Variants in CYTH3 observed in about 807,000 individuals in gnomAD.
The protein encoded by CYTH3 is cytohesin-3.
Under a neutral mutation model 55.1 loss-of-function variants are expected in CYTH3, and 23 were observed. The observed-to-expected ratio is 0.42, with a 90% CI of 0.30 to 0.59. The LOEUF (loss-of-function observed/expected upper bound fraction) is 0.59, where lower values mean the gene tolerates loss of function less well. CYTH3 is among the 20% of genes least tolerant of loss of function. The pLI, the probability that CYTH3 is intolerant of heterozygous loss-of-function variation, is 0.20. For synonymous variants in CYTH3, 249 were observed against 194.9 expected (o/e 1.28, Z -2.31); for missense variants, 413 against 524.8 (o/e 0.79, Z 2.08).
At chr7:6,271,908 T>C (rs1780669840) in intron 1 of CYTH3, among the ~76,000 whole-genome samples, 1 of 152,044 alleles carries the variant, frequency 6.6e-6, no homozygotes, top group Admixed American at 6.5e-5. Flanking sequence ...GCTGGCCCCC[T>C]CCCCGTTCGA....
chr7:6,268,358 C>T (rs1372899175), intron 1 of CYTH3, among the ~76,000 whole-genome samples: 6 of 152,094 alleles, frequency 3.9e-5, no homozygotes, highest in East Asian at 1.9e-4. Context: ...TTAGTAGAAA[C>T]GGAGTTTCAC....
rs1023504878 is a variant in CYTH3, at chr7:6,172,991, G to A, written c.449+662C>T. On this transcript the variant is annotated intron_variant, in intron 6 of 12. Coordinates refer to ENST00000350796, the MANE Select transcript of CYTH3 (RefSeq NM_004227.4). ...AAGATTTGAGAAGATGACGAGGTGC[G>A]GCCTGATTTTCTTAGTCCAAGGGCC... 17 of 1,093,906 alleles carry A rather than the reference G, an allele frequency of 1.6e-5. No homozygotes were observed. The Admixed American group carries it at 2.2e-4, about 14-fold the overall frequency. 67.8% of individuals were successfully genotyped at this position (1,093,906 alleles called of 1,614,324 possible).
At chr7:6,255,058 C>T (rs1342140867) in intron 1 of CYTH3, among the ~76,000 whole-genome samples, 1 of 152,180 alleles carries the variant, frequency 6.6e-6, no homozygotes, top group Non-Finnish European at 1.5e-5. Flanking sequence ...ACACTGATGA[C>T]TAACAGTTTT....
intron 1 of CYTH3, among the ~76,000 whole-genome samples, chr7:6,215,114 G>C (rs1399312110): frequency 6.6e-6 from 1 of 152,168 alleles, no homozygotes; most frequent in Non-Finnish European, 1.5e-5. Flanking sequence ...AGTACTGGTT[G>C]GATTTTAAAA....
At chr7:6,262,318 T>A (rs1780373126) in intron 1 of CYTH3, among the ~76,000 whole-genome samples, 1 of 152,178 alleles carries the variant, frequency 6.6e-6, no homozygotes, top group Non-Finnish European at 1.5e-5. Context: ...GTAAATCTAA[T>A]TTAAGATCAA....
intron 5 of CYTH3, among the ~76,000 whole-genome samples, chr7:6,174,623 C>T (rs1783293625): frequency 6.7e-6 from 1 of 149,828 alleles, no homozygotes; most frequent in African/African-American, 2.5e-5. Context: ...TCTTGGCCCA[C>T]TGCAACCTCC....
intron 1 of CYTH3, among the ~76,000 whole-genome samples, chr7:6,240,279 G>A (rs1432629766): frequency 1.4e-5 from 2 of 142,544 alleles, no homozygotes; most frequent in South Asian, 2.2e-4. Context: ...CTCCAGCCTG[G>A]GAGACTCCAT....
intron 1 of CYTH3, among the ~76,000 whole-genome samples, chr7:6,268,654 T>C (rs949535680): frequency 1.3e-5 from 2 of 152,164 alleles, no homozygotes; most frequent in African/African-American, 4.8e-5. Flanking sequence ...ATCTCACACG[T>C]GTACAAATAT....
At chr7:6,245,398 T>G (rs1467191710) in intron 1 of CYTH3, among the ~76,000 whole-genome samples, 1 of 152,132 alleles carries the variant, frequency 6.6e-6, no homozygotes, top group Non-Finnish European at 1.5e-5. Context: ...TTCTGGCTCC[T>G]CCTCCACTGA....
chr7:6,190,455 G>A lies in CYTH3; in HGVS notation c.111C>T (p.Asp37=), dbSNP rs1335112339. The change falls in exon 2 of 13, where the codon GAC becomes GAT. Residue 37 remains aspartate, a synonymous_variant. Coordinates refer to ENST00000350796, the MANE Select transcript of CYTH3 (RefSeq NM_004227.4). ...TTTTTTTTTTTTTTTTTACCTCAAT[G>A]TCATCAATAAGTTCCTTTTTTCTTC... is the stretch of plus-strand genomic sequence containing the variant. ...IRRRKKELID[D]IERLKYEIAE... is the part of the protein sequence containing the mutation. The A allele has an allele frequency of 1.1e-5, 11 of 1,021,236 alleles. No individual in the cohort carries two copies. The East Asian group carries it at 1.7e-4, about 16-fold the overall frequency. The allele number at this position is 1,021,236 out of a possible 1,614,324, so 63.3% of individuals were successfully genotyped here.
intron 2 of CYTH3, chr7:6,188,666 C>T (rs1214557596): frequency 6.6e-6 from 1 of 152,206 alleles, no homozygotes; most frequent in Non-Finnish European, 1.5e-5. Context: ...GGGGACAGAC[C>T]CCCTTTCCCT....
At chr7:6,196,671 G>C (rs1783941010) in intron 1 of CYTH3, among the ~76,000 whole-genome samples, 1 of 151,994 alleles carries the variant, frequency 6.6e-6, no homozygotes, top group African/African-American at 2.4e-5. Context: ...GTGTTGGCCA[G>C]GCTGGTCTCA....
intron 1 of CYTH3, among the ~76,000 whole-genome samples, chr7:6,208,730 G>A (rs1784256304): frequency 6.6e-6 from 1 of 152,088 alleles, no homozygotes; most frequent in South Asian, 2.1e-4. Context: ...TTGTAGAGAT[G>A]GGGTCTTGCT....
chr7:6,220,414 G>A (rs775002341), intron 1 of CYTH3, among the ~76,000 whole-genome samples: 3 of 151,860 alleles, frequency 2.0e-5, no homozygotes, highest in African/African-American at 7.3e-5. Flanking sequence ...CTTTGAGAGC[G>A]AAGGCTTAGT....
At chr7:6,203,345 T>C (rs1446503097) in intron 1 of CYTH3, among the ~76,000 whole-genome samples, 3 of 152,208 alleles carry the variant, frequency 2.0e-5, no homozygotes, top group South Asian at 4.1e-4. Flanking sequence ...ATTGCCTCCA[T>C]AGCTGTGAAT....
intron 4 of CYTH3, among the ~76,000 whole-genome samples, chr7:6,183,357 C>A (rs1220461342): frequency 1.3e-5 from 2 of 152,244 alleles, no homozygotes; most frequent in African/African-American, 4.8e-5. Context: ...TTCTAGTCCA[C>A]TGAGTGGACC....
intron 1 of CYTH3, among the ~76,000 whole-genome samples, chr7:6,270,850 G>A (rs1428487742): frequency 6.6e-6 from 1 of 152,126 alleles, no homozygotes; most frequent in African/African-American, 2.4e-5. Flanking sequence ...AATTGCTGGA[G>A]CACATTAAAG....
At chr7:6,191,642 C>G (rs1011365088) in intron 1 of CYTH3, among the ~76,000 whole-genome samples, 1 of 141,702 alleles carries the variant, frequency 7.1e-6, no homozygotes, top group African/African-American at 2.6e-5. Context: ...GTCACCCTGG[C>G]TGGAGTGCAG....
chr7:6,191,924 T>TG (rs1783812915), intron 1 of CYTH3, among the ~76,000 whole-genome samples: 1 of 150,438 alleles, frequency 6.6e-6, no homozygotes, highest in Non-Finnish European at 1.5e-5. Flanking sequence ...CTAAAGAAAA[T>TG]GAAAAATAGC....
Sources: gnomAD v4.1 joint callset for allele counts (sites outside exome capture counted in the v4.1 genomes callset) on GRCh38, gnomAD v4.1.1 for gene constraint, MANE v1.5 for transcripts, NCBI Gene and HGNC (gene_info 2026-07-23, HGNC 2026-07-21) for gene names.